The following ZFYVE9 variants were observed in gnomAD, a reference collection of about 807,000 sequenced individuals.
The protein encoded by ZFYVE9 is zinc finger FYVE-type containing 9.
ZFYVE9 carries 43 observed loss-of-function variants against 126.7 expected under a neutral mutation model. That is an observed-to-expected ratio of 0.34 (90% CI 0.27 to 0.44). The LOEUF (loss-of-function observed/expected upper bound fraction) is 0.44, where lower values mean the gene tolerates loss of function less well. ZFYVE9 is among the 20% of genes least tolerant of loss of function. The pLI, the probability that ZFYVE9 is intolerant of heterozygous loss-of-function variation, is 1.00. For missense variants in ZFYVE9, 1,476 were observed against 1,697.0 expected, an observed-to-expected ratio of 0.87 and a Z score of 2.29; for synonymous variants, 521 against 597.4, an observed-to-expected ratio of 0.87 and a Z score of 1.87.
At chr1:52,268,859 G>T (rs1157280573) in intron 7 of ZFYVE9, among the ~76,000 whole-genome samples, 2 of 152,192 alleles carry the variant, frequency 1.3e-5, no homozygotes, top group African/African-American at 4.8e-5. Flanking sequence ...GTTCTCAGAT[G>T]AGCTCAGGTG....
chr1:52,345,083 C>G (rs1004719552), intron 18 of ZFYVE9, 139 bp downstream of exon 18: 5 of 874,900 alleles, frequency 5.7e-6, no homozygotes, highest in South Asian at 5.0e-5. Context: ...TTGGCCCTCT[C>G]TTTAATAGTA....
At chr1:52,158,906 C>G (rs182607259) in intron 1 of ZFYVE9, among the ~76,000 whole-genome samples, 1 of 151,976 alleles carries the variant, frequency 6.6e-6, no homozygotes, top group Non-Finnish European at 1.5e-5. Context: ...CATTCTCCTG[C>G]CTCAGCCTCC....
Position 52,238,712 on chromosome 1 carries a change from A to G in ZFYVE9, c.1295A>G (p.Asn432Ser). 3.7e-6 allele frequency: 6 copies of G among 1,614,126 alleles called. No homozygotes were observed. Among genetic ancestry groups the G allele is most frequent in the South Asian group, 1.1e-5 (1 of 91,082 alleles). Residue 432 changes from asparagine to serine, a missense_variant, in exon 4 of 19, where the codon AAT becomes AGT. Coordinates refer to ENST00000287727, the MANE Select transcript of ZFYVE9 (RefSeq NM_004799.4). Reference protein sequence around the residue: ...FLQISQPEDTNGDSGGQCVGL... With the variant: ...FLQISQPEDTSGDSGGQCVGL... ...CAGATTAGTCAGCCTGAGGACACTA[A>G]TGGTGATAGTGGAGGACAGTGTGTT...
Position 52,323,020 on chromosome 1 carries a change from G to A in ZFYVE9, c.3439-9748G>A, listed in dbSNP as rs963070237. On this transcript the variant is annotated intron_variant, in intron 13 of 18. Transcript: ENST00000287727. ...AGGGTTTCACCGTGTTAGCCAGGAT[G>A]GTCTTGATCTCCTGACCTCGTGATC... 4.6e-5 allele frequency among the ~76,000 whole-genome samples: 7 copies of A among 152,106 alleles called. No homozygotes were observed. In the East Asian group the frequency reaches 1.4e-3, roughly 30 times the overall value.
intron 1 of ZFYVE9, among the ~76,000 whole-genome samples, chr1:52,198,613 C>T (rs998345173): frequency 1.3e-5 from 2 of 152,156 alleles, no homozygotes; most frequent in African/African-American, 4.8e-5. Context: ...ATTTTGTGAA[C>T]CTACCAATTT....
intron 12 of ZFYVE9, among the ~76,000 whole-genome samples, chr1:52,297,397 C>T (rs989832075): frequency 2.6e-4 from 39 of 152,024 alleles, no homozygotes; most frequent in Admixed American, 6.6e-5. Context: ...GCCACCACGC[C>T]TGGCTAATTT....
chr1:52,178,544 T>G (rs1217189430), intron 1 of ZFYVE9, among the ~76,000 whole-genome samples: 3 of 151,964 alleles, frequency 2.0e-5, no homozygotes, highest in Non-Finnish European at 4.4e-5. Flanking sequence ...TTAGACAGGC[T>G]GGTCTTGAAC....
At chr1:52,261,314 T>G (rs1645578257) in intron 4 of ZFYVE9, among the ~76,000 whole-genome samples, 1 of 151,410 alleles carries the variant, frequency 6.6e-6, no homozygotes, top group South Asian at 2.1e-4. Flanking sequence ...CATAGTGTAG[T>G]GTGTCTTCAA....
intron 1 of ZFYVE9, among the ~76,000 whole-genome samples, chr1:52,186,206 C>T (rs1328436193): frequency 1.3e-5 from 2 of 150,672 alleles, no homozygotes; most frequent in South Asian, 2.1e-4. Flanking sequence ...TGCCACTGCA[C>T]TCCAGCCTGG....
chr1:52,302,366 G>A (rs1394472982), intron 12 of ZFYVE9, among the ~76,000 whole-genome samples: 1 of 152,096 alleles, frequency 6.6e-6, no homozygotes, highest in African/African-American at 2.4e-5. Context: ...AGTAGCCCTG[G>A]CTATAAAATT....
At chr1:52,269,066 T>TA (rs911186391) in intron 7 of ZFYVE9, among the ~76,000 whole-genome samples, 2 of 152,186 alleles carry the variant, frequency 1.3e-5, no homozygotes, top group African/African-American at 2.4e-5. Context: ...GTACACTTGT[T>TA]ACACTTGTTG....
intron 1 of ZFYVE9, among the ~76,000 whole-genome samples, chr1:52,181,652 G>C (rs971366816): frequency 1.2e-3 from 182 of 151,820 alleles, no homozygotes; most frequent in Non-Finnish European, 2.1e-3. Context: ...GCCTCTTCCC[G>C]GCCGCCATCC....
chr1:52,182,593 C>T (rs1317340904), intron 1 of ZFYVE9, among the ~76,000 whole-genome samples: 1 of 151,770 alleles, frequency 6.6e-6, no homozygotes, highest in Non-Finnish European at 1.5e-5. Context: ...ATCTCAAGTA[C>T]CCAGGGACAC....
intron 13 of ZFYVE9, among the ~76,000 whole-genome samples, chr1:52,316,183 A>AG (rs1318986302): frequency 2.0e-5 from 3 of 147,402 alleles, no homozygotes; most frequent in African/African-American, 7.5e-5. Flanking sequence ...AAAAAAAAAA[A>AG]AAAAAAAGAA....
intron 4 of ZFYVE9, chr1:52,252,329 GT>G: frequency 6.4e-6 from 1 of 156,106 alleles, no homozygotes; most frequent in Non-Finnish European, 1.4e-5. Flanking sequence ...TGTTGTTGTT[GT>G]TTGTTTTGGG....
At chr1:52,261,231 T>C (rs1019665752) in intron 4 of ZFYVE9, among the ~76,000 whole-genome samples, 6 of 150,348 alleles carry the variant, frequency 4.0e-5, no homozygotes, top group African/African-American at 7.3e-5. Flanking sequence ...TCTTTCTTTT[T>C]TTTTTTTTTT....
rs1216861290 is a variant in ZFYVE9, at chr1:52,338,051, A to G, written c.3833+117A>G. 4.7e-6 allele frequency: 6 copies of G among 1,280,652 alleles called. No individual in the cohort carries two copies. In the African/African-American group the frequency reaches 9.0e-5, roughly 19 times the overall value. The allele number at this position is 1,280,652 out of a possible 1,614,324, so 79.3% of individuals were successfully genotyped here. A position where few individuals can be genotyped will look rare whatever the true frequency, so the allele number is the denominator to read the frequency against. ...ACTGAAAGCCCTGCCTAAGAGAAAG[A>G]CTGCTTTGTATGCTTAACGTAGAAT... On this transcript the variant is annotated intron_variant, in intron 16 of 18. Coordinates refer to ENST00000287727, the MANE Select transcript of ZFYVE9 (RefSeq NM_004799.4).
intron 1 of ZFYVE9, among the ~76,000 whole-genome samples, chr1:52,173,209 G>T (rs1352837790): frequency 6.6e-6 from 1 of 152,198 alleles, no homozygotes; most frequent in African/African-American, 2.4e-5. Flanking sequence ...TTTTTAGCAT[G>T]AAGTGTTGTT....
intron 10 of ZFYVE9, among the ~76,000 whole-genome samples, chr1:52,282,123 AACTT>A (rs1267183762): frequency 6.6e-6 from 1 of 152,206 alleles, no homozygotes; most frequent in Non-Finnish European, 1.5e-5. Flanking sequence ...GCATATTTGT[AACTT>A]ACTTCTTGTT....
Sources: allele counts gnomAD v4.1 joint callset (sites outside exome capture counted in the v4.1 genomes callset), GRCh38; gene constraint gnomAD v4.1.1; transcripts MANE v1.5; gene names NCBI Gene and HGNC (gene_info 2026-07-23, HGNC 2026-07-21).